Variants in TRAPPC3L observed in about 807,000 individuals in gnomAD.
TRAPPC3L encodes the protein trafficking protein particle complex subunit 3L.
TRAPPC3L carries 23 observed loss-of-function variants against 23.7 expected under a neutral mutation model. That is an observed-to-expected ratio of 0.97 (90% CI 0.70 to 1.37). The LOEUF (loss-of-function observed/expected upper bound fraction) is 1.37, where lower values mean the gene tolerates loss of function less well. TRAPPC3L is among the 40% of genes most tolerant of loss of function. The probability of loss-of-function intolerance (pLI) is 0.00; values close to 1 mark genes in which losing one functional copy is unlikely to be tolerated. For synonymous variants in TRAPPC3L, 81 were observed against 77.9 expected, an observed-to-expected ratio of 1.04 and a Z score of -0.21; for missense variants, 212 against 216.8, an observed-to-expected ratio of 0.98 and a Z score of 0.14.
intron 4 of TRAPPC3L, among the ~76,000 whole-genome samples, chr6:116,498,170 A>C (rs1771861127): frequency 6.6e-6 from 1 of 152,252 alleles, no homozygotes; most frequent in South Asian, 2.1e-4. Context: ...TTGGGGACAC[A>C]TGAGGTCTGA....
chr6:116,499,132 G>T (rs1468629035), intron 4 of TRAPPC3L, among the ~76,000 whole-genome samples: 1 of 152,074 alleles, frequency 6.6e-6, no homozygotes, highest in South Asian at 2.1e-4. Flanking sequence ...TGTTCCTCTT[G>T]GTTTAATAGT....
At chr6:116,531,227 C>G (rs1772702293) in intron 3 of TRAPPC3L, among the ~76,000 whole-genome samples, 1 of 151,930 alleles carries the variant, frequency 6.6e-6, no homozygotes, top group Non-Finnish European at 1.5e-5. Flanking sequence ...AGGTTAAAGA[C>G]TCTCTTTTTG....
At chr6:116,509,341 C>G (rs1583268052) in intron 3 of TRAPPC3L, among the ~76,000 whole-genome samples, 3 of 152,130 alleles carry the variant, frequency 2.0e-5, no homozygotes, top group South Asian at 4.2e-4. Flanking sequence ...TTAGAAAAAA[C>G]AATCCTAAAA....
chr6:116,500,523 G>A lies in TRAPPC3L; in HGVS notation c.384C>T (p.Tyr128=). 6.4e-7 allele frequency: 1 copy of A among 1,551,648 alleles called. No homozygotes were observed. ...TGATAATCCCACAGAGCAAGTTGCA[G>A]TAGCACAGAGAAGATCGCCCAGCAG... ...ELPAGRSSLC[Y]CNLLCGIIRG... The change falls in exon 4 of 5, where the codon TAC becomes TAT. Residue 128 remains tyrosine (Y), a synonymous_variant. Transcript: ENST00000368602.
chr6:116,540,810 T>C (rs1457013793), intron 2 of TRAPPC3L, among the ~76,000 whole-genome samples: 4 of 152,178 alleles, frequency 2.6e-5, no homozygotes, highest in East Asian at 1.9e-4. Context: ...TAGCTATTGA[T>C]GGAAATCAAA....
chr6:116,513,827 G>T (rs1346938351), intron 3 of TRAPPC3L, among the ~76,000 whole-genome samples: 3 of 152,214 alleles, frequency 2.0e-5, no homozygotes, highest in Non-Finnish European at 4.4e-5. Context: ...AAGATAGAAT[G>T]GAGTAGTGGA....
Position 116,499,435 on chromosome 6 carries a change from A to G in TRAPPC3L, c.426+1046T>C, listed in dbSNP as rs551227450. Reference sequence around the variant, plus strand: ...AAATTCCTAAAACACAAATTTCAAAATATTATTCTACTGTTTATAAACCTA... The same window carrying G: ...AAATTCCTAAAACACAAATTTCAAAGTATTATTCTACTGTTTATAAACCTA... On this transcript the variant is annotated intron_variant, in intron 4 of 4. Transcript: ENST00000368602. 2.3e-4 allele frequency among the ~76,000 whole-genome samples: 35 copies of G among 152,294 alleles called. 1 individual carries two copies. Among genetic ancestry groups the G allele is most frequent in the Admixed American group, 2.0e-3 (31 of 15,302 alleles).
At chr6:116,516,053 A>G (rs770826498) in intron 3 of TRAPPC3L, 20 of 1,501,254 alleles carry the variant, frequency 1.3e-5, no homozygotes, top group Non-Finnish European at 1.4e-5. Flanking sequence ...CTCCTAACGT[A>G]TCACCAGCAA....
Position 116,514,404 on chromosome 6 carries a change from T to C in TRAPPC3L, c.241-13738A>G, listed in dbSNP as rs374983483. On this transcript the variant is annotated intron_variant, in intron 3 of 4. Transcript: ENST00000368602. Reference sequence around the variant, plus strand: ...ATGGTAGTTGTGCCTCACTCATTAATTATAAGTACAGAAAGATATTATGAG... The same window carrying C: ...ATGGTAGTTGTGCCTCACTCATTAACTATAAGTACAGAAAGATATTATGAG... Among the ~76,000 whole-genome samples, 9 of 152,222 alleles carry C rather than the reference T, an allele frequency of 5.9e-5. No individual in the cohort carries two copies. The East Asian group carries it at 7.7e-4, about 13-fold the overall frequency.
In TRAPPC3L at chr6:116,496,109, C is replaced by A. The variant is rs529801992; in HGVS notation, c.*845G>T. ...GGTGAAGATTACTGTGTATTTAATT[C>A]GGTACACTTGAATTTTAAATGTGTT... On this transcript the variant is annotated 3_prime_UTR_variant, in exon 5 of 5. Coordinates refer to ENST00000368602, the MANE Select transcript of TRAPPC3L (RefSeq NM_001139444.3). 1 of 152,048 alleles carries A rather than the reference C, an allele frequency of 6.6e-6. No individual in the cohort carries two copies. The highest frequency in any genetic ancestry group is 1.5e-5 in the Non-Finnish European group (1 of 68,026). 9.4% of individuals were successfully genotyped at this position (152,048 alleles called of 1,614,324 possible).
At position 116,500,674 on chromosome 6, in the gene TRAPPC3L, G is replaced by A; in HGVS notation, c.241-8C>T. 6.5e-7 allele frequency: 1 copy of A among 1,548,870 alleles called. No homozygotes were observed. Among genetic ancestry groups the A allele is most frequent in the Admixed American group, 2.0e-5 (1 of 50,244 alleles). On this transcript the variant is annotated splice_region_variant and splice_polypyrimidine_tract_variant and intron_variant, in intron 3 of 4. Transcript: ENST00000368602. ...GTACATCTTGAAAGCAACCTGATAA[G>A]AAAAAAACAAAATTACTAAAACTTG...
chr6:116,536,841 A>G (rs1405026851), intron 3 of TRAPPC3L, among the ~76,000 whole-genome samples: 2 of 152,162 alleles, frequency 1.3e-5, no homozygotes, highest in African/African-American at 2.4e-5. Context: ...AACTTGGCCT[A>G]GTTCTCTGTA....
chr6:116,513,318 C>A (rs1369026604), intron 3 of TRAPPC3L, among the ~76,000 whole-genome samples: 5 of 152,174 alleles, frequency 3.3e-5, no homozygotes, highest in African/African-American at 1.2e-4. Flanking sequence ...AAAACAAAAT[C>A]TTTTCTTTAA....
At chr6:116,512,097 G>A in intron 3 of TRAPPC3L, 3 of 1,614,086 alleles carry the variant, frequency 1.9e-6, no homozygotes, top group Non-Finnish European at 2.5e-6. Flanking sequence ...GGGACGAGAA[G>A]TTCAGGACTC....
intron 3 of TRAPPC3L, among the ~76,000 whole-genome samples, chr6:116,510,718 A>G (rs1772099071): frequency 6.6e-6 from 1 of 152,272 alleles, no homozygotes; most frequent in African/African-American, 2.4e-5. Context: ...GCACATGTAT[A>G]TTTATTGCAA....
intron 4 of TRAPPC3L, among the ~76,000 whole-genome samples, chr6:116,497,536 G>C (rs2115150970): frequency 6.6e-6 from 1 of 152,276 alleles, no homozygotes. Flanking sequence ...ACATTTAGCA[G>C]TCACTTATGG....
chr6:116,536,822 C>T (rs1773125412), intron 3 of TRAPPC3L, among the ~76,000 whole-genome samples: 1 of 152,170 alleles, frequency 6.6e-6, no homozygotes, highest in South Asian at 2.1e-4. Flanking sequence ...CTACAGTAAA[C>T]TTCTTCTGAA....
rs894958330 is a variant in TRAPPC3L at position 116,545,600 on chromosome 6, T to C, written c.-86A>G. 7.7e-7 allele frequency: 1 copy of C among 1,295,526 alleles called. No individual in the cohort carries two copies. The allele number at this position is 1,295,526 out of a possible 1,614,324, so 80.3% of individuals were successfully genotyped here. ...GTGTATCAGTCCATGTCTTTTTGTT[T>C]TGTTTTTGTAAGCTCTTCCTCGCTT... On this transcript the variant is annotated 5_prime_UTR_variant, in exon 1 of 5. Transcript: ENST00000368602.
At chr6:116,518,554 G>A (rs1019642619) in intron 3 of TRAPPC3L, 1 of 152,172 alleles carries the variant, frequency 6.6e-6, no homozygotes, top group East Asian at 1.9e-4. Context: ...TCAGCAAAGA[G>A]TTCTCCTTCT....
Sources: gnomAD v4.1 joint callset for allele counts (sites outside exome capture counted in the v4.1 genomes callset) on GRCh38, gnomAD v4.1.1 for gene constraint, MANE v1.5 for transcripts, NCBI Gene and HGNC (gene_info 2026-07-23, HGNC 2026-07-21) for gene names.